CCDC9: variants seen among roughly 807,000 people sequenced by gnomAD.
CCDC9 encodes coiled-coil domain-containing protein 9.
Under a neutral mutation model 65.6 loss-of-function variants are expected in CCDC9, and 52 were observed. The observed-to-expected ratio is 0.79, with a 90% CI of 0.63 to 1.00. The LOEUF (loss-of-function observed/expected upper bound fraction) is 1.00. Among genes scored for constraint, CCDC9 ranks in the 50% least tolerant of loss-of-function variants. The pLI is 0.00. For missense variants in CCDC9, 834 were observed against 757.2 expected (o/e 1.10, Z -1.19); for synonymous variants, 332 against 280.3 (o/e 1.18, Z -1.84).
chr19:47,272,267 G>A, downstream of CCDC9: 1 of 729,362 alleles, frequency 1.4e-6, no homozygotes, highest in Non-Finnish European at 1.9e-6. Context: ...GTAGGTAGCA[G>A]TTGGACCATA....
chr19:47,263,903 G>C (rs1165143839), intron 5 of CCDC9, among the ~76,000 whole-genome samples: 2 of 144,660 alleles, frequency 1.4e-5, no homozygotes, highest in African/African-American at 5.2e-5. Flanking sequence ...TTTTGAGACA[G>C]AGTCCTACTC....
rs184873580 is a variant in CCDC9, at chr19:47,259,410, G to A, written c.108+747G>A. ...TGCTGTGCGGTGGTGGGTGCGAGGA[G>A]GTGATACTGGAGCCCAGAGACCAAG... On this transcript the variant is annotated intron_variant, in intron 3 of 11. Coordinates refer to ENST00000221922, the MANE Select transcript of CCDC9 (RefSeq NM_015603.3). 1.2e-4 allele frequency among the ~76,000 whole-genome samples: 18 copies of A among 152,206 alleles called. No homozygotes were observed. The East Asian group carries it at 3.5e-3, about 29-fold the overall frequency.
At chr19:47,265,489 C>T (rs1378733560) in intron 7 of CCDC9, among the ~76,000 whole-genome samples, 2 of 152,116 alleles carry the variant, frequency 1.3e-5, no homozygotes, top group East Asian at 3.8e-4. Context: ...GGGACCTGGC[C>T]TAGAAGAGGA....
chr19:47,272,059 C>A, downstream of CCDC9: 1 of 1,236,946 alleles, frequency 8.1e-7, no homozygotes, highest in Non-Finnish European at 1.0e-6. Flanking sequence ...CTGGGGCTCC[C>A]CTTCCCTAGG....
intron 1 of CCDC9, among the ~76,000 whole-genome samples, chr19:47,256,978 CG>C: frequency 1.7e-5 from 2 of 117,568 alleles, no homozygotes; most frequent in Non-Finnish European, 3.4e-5. Context: ...GATTCTTGGC[CG>C]GGACGTTGGG....
downstream of CCDC9, chr19:47,273,936 C>G (rs1474017391): frequency 2.0e-6 from 2 of 981,026 alleles, no homozygotes; most frequent in Non-Finnish European, 2.4e-6. Flanking sequence ...CTCCACCCTT[C>G]TGATCCGTCT....
Position 47,260,713 on chromosome 19 carries a change from G to A in CCDC9, c.336G>A (p.Trp112Ter). ...GCATGGGCCGAGCATCGCGCAGCTG[G>A]GAGGGCAGCCCCGGGGAGCAGCCTC... ...RAGMGRASRS[W>*]EGSPGEQPRG... The change falls in exon 5 of 12, where the codon TGG (tryptophan) becomes TGA (stop). Residue 112 changes from tryptophan to a stop codon, truncating the protein, a stop_gained. Transcript: ENST00000221922. LOFTEE classifies it high-confidence loss of function. 1 of 1,583,262 alleles carries A rather than the reference G, an allele frequency of 6.3e-7. No homozygotes were observed. The highest frequency in any genetic ancestry group is 8.6e-7 in the Non-Finnish European group (1 of 1,168,228).
chr19:47,271,262 G>A lies in CCDC9; in HGVS notation c.1192-12G>A. The A allele has an allele frequency of 2.5e-6, 4 of 1,611,776 alleles. No homozygotes were observed. Among genetic ancestry groups the A allele is most frequent in the Non-Finnish European group, 3.4e-6 (4 of 1,178,732 alleles). On this transcript the variant is annotated splice_polypyrimidine_tract_variant and intron_variant, in intron 11 of 11. Transcript: ENST00000221922. ...ACCTGTGCCTTGCCCTGACTTGCCT[G>A]TGTCCCCAAAGCCACCCGAGATCCC... is the stretch of plus-strand genomic sequence containing the variant.
chr19:47,266,127 C>G (rs992801342), intron 7 of CCDC9, among the ~76,000 whole-genome samples: 1 of 149,584 alleles, frequency 6.7e-6, no homozygotes, highest in African/African-American at 2.5e-5. Flanking sequence ...TCCCGAAAAG[C>G]TGGGACTACA....
rs1568639017 is a variant in CCDC9 at position 47,265,984 on chromosome 19, C to CCTT, written c.721-627_721-626insCTT. On this transcript the variant is annotated intron_variant, in intron 7 of 11. Coordinates refer to ENST00000221922, the MANE Select transcript of CCDC9 (RefSeq NM_015603.3). ...TACAGGCGTGAGCCACCGCTCCTGG[C>CCTT]TTTTTTTTTTTTTTTTTTTTTTTTT... Among the ~76,000 whole-genome samples, 3 of 72,626 alleles carry CCTT rather than the reference C, an allele frequency of 4.1e-5. 1 individual carries two copies. The highest frequency in any genetic ancestry group is 4.6e-5 in the Non-Finnish European group (2 of 43,028). 47.6% of individuals were successfully genotyped at this position (72,626 alleles called of 152,430 possible).
intron 1 of CCDC9, 69 bp from the exon 2 acceptor site, chr19:47,258,261 C>A: frequency 1.2e-6 from 1 of 823,964 alleles, no homozygotes. Context: ...GAGGATCCCG[C>A]AGTATGTTAG....
At chr19:47,274,751 T>TG (rs1379447446), downstream of CCDC9, 1 of 213,198 alleles carries the variant, frequency 4.7e-6, no homozygotes. Context: ...CTGGAGGGGG[T>TG]GGGCCTAGGA....
At position 47,271,396 on chromosome 19, in the gene CCDC9, GGAA is replaced by G. The variant is rs2123482632; in HGVS notation, c.1319_1321del (p.Glu440del). 1 of 1,611,918 alleles carries G rather than the reference GGAA, an allele frequency of 6.2e-7. No individual in the cohort carries two copies. Among genetic ancestry groups the G allele is most frequent in the Non-Finnish European group, 8.5e-7 (1 of 1,179,064 alleles). ...ATGAGGAAGAGGAGGAGATCGAGGT[GGAA>G]GAAGGTGATGAGGAGGAACCAGCCC... On this transcript the variant is annotated inframe_deletion, in exon 12 of 12. Coordinates refer to ENST00000221922, the MANE Select transcript of CCDC9 (RefSeq NM_015603.3).
intron 7 of CCDC9, among the ~76,000 whole-genome samples, chr19:47,265,214 C>T (rs1041496548): frequency 2.6e-5 from 4 of 152,134 alleles, no homozygotes; most frequent in African/African-American, 9.7e-5. Flanking sequence ...GCCACCACAC[C>T]TGGCTAATTT....
chr19:47,274,105 C>G (rs1362189939), downstream of CCDC9: 1 of 477,034 alleles, frequency 2.1e-6, no homozygotes, highest in African/African-American at 2.1e-5. Flanking sequence ...GACCCCTTGG[C>G]TCTAGGGAGA....
chr19:47,268,731 C>T (rs1275287413), intron 8 of CCDC9, among the ~76,000 whole-genome samples: 2 of 151,746 alleles, frequency 1.3e-5, no homozygotes, highest in Non-Finnish European at 2.9e-5. Flanking sequence ...TCCTGGCTAA[C>T]ACGGTGAAAC....
At chr19:47,275,453 C>G (rs916953453), downstream of CCDC9, 1 of 1,387,792 alleles carries the variant, frequency 7.2e-7, no homozygotes, top group Non-Finnish European at 9.5e-7. Flanking sequence ...CTAATGACAT[C>G]GCTCAGCGTC....
intron 5 of CCDC9, among the ~76,000 whole-genome samples, chr19:47,264,340 C>T (rs376297653): frequency 5.3e-5 from 8 of 152,202 alleles, no homozygotes; most frequent in African/African-American, 1.9e-4. Context: ...AACGCAGGCC[C>T]CTTCTGTCTA....
downstream of CCDC9, chr19:47,274,924 G>C (rs1308567644): frequency 6.1e-5 from 81 of 1,324,046 alleles, no homozygotes; most frequent in Non-Finnish European, 7.4e-5. Flanking sequence ...GCGGGGATGC[G>C]GGGGACCAGC....
Sources: gnomAD v4.1 joint callset for allele counts (sites outside exome capture counted in the v4.1 genomes callset) on GRCh38, gnomAD v4.1.1 for gene constraint, MANE v1.5 for transcripts, NCBI Gene and HGNC (gene_info 2026-07-23, HGNC 2026-07-21) for gene names.